The following NRXN1 variants were observed in gnomAD, a reference collection of about 807,000 sequenced individuals.
NRXN1 encodes the protein neurexin 1.
A neutral mutation model predicts 150.9 loss-of-function variants in NRXN1; 39 were observed. The observed-to-expected ratio is 0.26, with a 90% CI of 0.20 to 0.34. The LOEUF is 0.34. Ranked by LOEUF, NRXN1 falls within the 10% of genes least tolerant of loss-of-function variation. The pLI, the probability that NRXN1 is intolerant of heterozygous loss-of-function variation, is 1.00. For synonymous variants in NRXN1, 924 were observed against 757.0 expected (o/e 1.22, Z -3.62); for missense variants, 1,815 against 1,949.9 (o/e 0.93, Z 1.30).
At chr2:49,943,879 T>A (rs1243796223) in intron 21 of NRXN1, 88 bp from the exon 22 acceptor site, 2 of 1,011,588 alleles carry the variant, frequency 2.0e-6, no homozygotes, top group Non-Finnish European at 1.5e-6. Context: ...AAATACAATT[T>A]GTTTATCAAG....
At chr2:50,136,113 G>C (rs1009361085) in intron 18 of NRXN1, among the ~76,000 whole-genome samples, 1 of 152,132 alleles carries the variant, frequency 6.6e-6, no homozygotes, top group Non-Finnish European at 1.5e-5. Flanking sequence ...GGAATAAATG[G>C]TTGGAAGGTT....
chr2:50,481,851 C>T (rs1251519461), intron 15 of NRXN1, among the ~76,000 whole-genome samples: 2 of 120,416 alleles, frequency 1.7e-5, no homozygotes, highest in South Asian at 2.6e-4. Flanking sequence ...CTGCAAGCTC[C>T]GCCTCCCGGG....
chr2:50,136,001 G>C (rs531922452), intron 18 of NRXN1, among the ~76,000 whole-genome samples: 7 of 152,230 alleles, frequency 4.6e-5, no homozygotes, highest in Non-Finnish European at 8.8e-5. Context: ...ATGCAACCCA[G>C]GGAATTGCCC....
chr2:50,941,812 G>C (rs533916420), intron 2 of NRXN1, among the ~76,000 whole-genome samples: 1 of 152,282 alleles, frequency 6.6e-6, no homozygotes, highest in Non-Finnish European at 1.5e-5. Context: ...TGTGGTAGAA[G>C]ACAAAAACTC....
At chr2:50,410,320 C>T (rs2083057016) in intron 17 of NRXN1, among the ~76,000 whole-genome samples, 1 of 152,226 alleles carries the variant, frequency 6.6e-6, no homozygotes, top group Non-Finnish European at 1.5e-5. Context: ...ATGCTCTCCT[C>T]TCCTGAATTC....
chr2:50,389,333 A>G (rs929347744), intron 17 of NRXN1, among the ~76,000 whole-genome samples: 1 of 150,314 alleles, frequency 6.7e-6, no homozygotes, highest in Non-Finnish European at 1.5e-5. Flanking sequence ...AAATATGAAC[A>G]CCATTTAGTC....
intron 18 of NRXN1, among the ~76,000 whole-genome samples, chr2:50,232,633 C>A (rs1161451436): frequency 6.6e-6 from 1 of 151,886 alleles, no homozygotes; most frequent in African/African-American, 2.4e-5. Context: ...GATCTGCCAG[C>A]CTTGGCCTCC....
chr2:50,316,430 A>C (rs1050611689), intron 17 of NRXN1, among the ~76,000 whole-genome samples: 3 of 152,088 alleles, frequency 2.0e-5, no homozygotes, highest in Non-Finnish European at 4.4e-5. Context: ...AATGAAAATA[A>C]ATAGGAATGT....
intron 18 of NRXN1, among the ~76,000 whole-genome samples, chr2:50,099,724 T>C (rs1700749240): frequency 6.6e-6 from 1 of 152,188 alleles, no homozygotes; most frequent in Admixed American, 6.5e-5. Context: ...ACATTTTTAA[T>C]GATTACAACT....
At chr2:50,190,268 T>C (rs563199697) in intron 18 of NRXN1, among the ~76,000 whole-genome samples, 3 of 152,200 alleles carry the variant, frequency 2.0e-5, no homozygotes, top group Non-Finnish European at 4.4e-5. Context: ...TTTCTATATA[T>C]GTATTTTTTT....
At chr2:50,770,620 T>G (rs1285461168) in intron 5 of NRXN1, among the ~76,000 whole-genome samples, 1 of 152,092 alleles carries the variant, frequency 6.6e-6, no homozygotes, top group African/African-American at 2.4e-5. Flanking sequence ...CTAACCATAA[T>G]TGCTTACAAT....
chr2:50,113,327 C>T (rs1199387641), intron 18 of NRXN1, among the ~76,000 whole-genome samples: 1 of 152,174 alleles, frequency 6.6e-6, no homozygotes, highest in Non-Finnish European at 1.5e-5. Flanking sequence ...GTCTCTTCTG[C>T]CTTGCAGGAC....
intron 18 of NRXN1, among the ~76,000 whole-genome samples, chr2:50,181,302 G>A (rs899258460): frequency 9.6e-5 from 12 of 124,548 alleles, no homozygotes; most frequent in African/African-American, 3.8e-4. Flanking sequence ...TGGGCTTTAG[G>A]TTCCTCTGAG....
chr2:50,757,383 G>A (rs894829036), intron 5 of NRXN1, among the ~76,000 whole-genome samples: 16 of 151,924 alleles, frequency 1.1e-4, no homozygotes, highest in African/African-American at 3.9e-4. Context: ...TCTGTAACCA[G>A]AGAAGCACTG....
At chr2:50,103,538 G>T (rs958693936) in intron 18 of NRXN1, among the ~76,000 whole-genome samples, 3 of 151,890 alleles carry the variant, frequency 2.0e-5, no homozygotes, top group East Asian at 1.9e-4. Flanking sequence ...TGAGACGAAG[G>T]ATTCTCTATC....
chr2:50,357,097 G>A (rs543598703), intron 17 of NRXN1, among the ~76,000 whole-genome samples: 1 of 151,970 alleles, frequency 6.6e-6, no homozygotes, highest in Non-Finnish European at 1.5e-5. Context: ...AGCAACATAA[G>A]GAGACCCCAT....
chr2:50,419,594 TA>T (rs1360868125), intron 17 of NRXN1, among the ~76,000 whole-genome samples: 4 of 151,538 alleles, frequency 2.6e-5, no homozygotes, highest in African/African-American at 9.7e-5. Flanking sequence ...AGGGAGGCAA[TA>T]AGGAAGAAAA....
chr2:50,417,894 G>A (rs886757587), intron 17 of NRXN1, among the ~76,000 whole-genome samples: 11 of 151,930 alleles, frequency 7.2e-5, no homozygotes, highest in African/African-American at 2.7e-4. Context: ...GATAGATGGG[G>A]CTGCACAGAT....
At chr2:50,968,144 A>C (rs993647963) in intron 2 of NRXN1, among the ~76,000 whole-genome samples, 1 of 152,056 alleles carries the variant, frequency 6.6e-6, no homozygotes, top group African/African-American at 2.4e-5. Flanking sequence ...AACTTTTCAG[A>C]AAGTTTGGTC....
Sources: gnomAD v4.1 joint callset for allele counts (sites outside exome capture counted in the v4.1 genomes callset) on GRCh38, gnomAD v4.1.1 for gene constraint, MANE v1.5 for transcripts, NCBI Gene and HGNC (gene_info 2026-07-23, HGNC 2026-07-21) for gene names.